RCSD1: variants seen among roughly 807,000 people sequenced by gnomAD.
The protein encoded by RCSD1 is capZ-interacting protein.
RCSD1 carries 26 observed loss-of-function variants against 42.5 expected under a neutral mutation model. That is an observed-to-expected ratio of 0.61 (90% CI 0.45 to 0.85). The LOEUF (loss-of-function observed/expected upper bound fraction) is 0.85. Ranked by LOEUF, RCSD1 falls within the 40% of genes least tolerant of loss-of-function variation. RCSD1 has a pLI of 0.00. For missense variants in RCSD1, 571 were observed against 528.3 expected (o/e 1.08, Z -0.79); for synonymous variants, 220 against 212.2 (o/e 1.04, Z -0.32).
At chr1:167,688,975 T>C (rs1298532680) in intron 3 of RCSD1, among the ~76,000 whole-genome samples, 1 of 152,000 alleles carries the variant, frequency 6.6e-6, no homozygotes, top group East Asian at 1.9e-4. Flanking sequence ...AAACACAGAG[T>C]TAATATTTTT....
intron 3 of RCSD1, among the ~76,000 whole-genome samples, chr1:167,686,029 A>C (rs1659228084): frequency 6.6e-6 from 1 of 152,226 alleles, no homozygotes; most frequent in East Asian, 1.9e-4. Flanking sequence ...CGTTGCCCTC[A>C]GATATAAATA....
At chr1:167,630,538 T>C in intron 1 of RCSD1, 109 bp downstream of exon 1, 1 of 1,202,036 alleles carries the variant, frequency 8.3e-7, no homozygotes, top group Non-Finnish European at 1.1e-6. Flanking sequence ...GGCTCATCGC[T>C]GCTGCCAACT....
chr1:167,698,563 C>T (rs775816240), intron 6 of RCSD1, among the ~76,000 whole-genome samples: 5 of 152,152 alleles, frequency 3.3e-5, no homozygotes, highest in Non-Finnish European at 5.9e-5. Flanking sequence ...TTCCTCTACA[C>T]CTGTCTGCTC....
At chr1:167,639,953 C>A (rs1310784258) in intron 1 of RCSD1, among the ~76,000 whole-genome samples, 1 of 152,256 alleles carries the variant, frequency 6.6e-6, no homozygotes, top group Non-Finnish European at 1.5e-5. Flanking sequence ...GTTGTCCAGT[C>A]ATGCCTGAAT....
intron 6 of RCSD1, among the ~76,000 whole-genome samples, chr1:167,701,320 T>TTTCTTTC (rs1386453311): frequency 0.024 from 2,343 of 97,998 alleles, 27 homozygotes; most frequent in Middle Eastern, 0.039. Flanking sequence ...TTCTTTCTTT[T>TTTCTTTC]TTTTAGATGG....
At chr1:167,685,974 A>G (rs1353448408) in intron 3 of RCSD1, among the ~76,000 whole-genome samples, 3 of 152,168 alleles carry the variant, frequency 2.0e-5, no homozygotes, top group African/African-American at 7.2e-5. Context: ...AAGCCTGGCT[A>G]TTGTTCAAGA....
intron 1 of RCSD1, among the ~76,000 whole-genome samples, chr1:167,681,534 C>G (rs1047947877): frequency 3.3e-5 from 5 of 152,146 alleles, no homozygotes; most frequent in East Asian, 1.9e-4. Context: ...CTTCCAGAAG[C>G]CTCAGAGTTC....
At chr1:167,651,966 A>G (rs1658320649) in intron 1 of RCSD1, among the ~76,000 whole-genome samples, 1 of 149,718 alleles carries the variant, frequency 6.7e-6, no homozygotes, top group Non-Finnish European at 1.5e-5. Flanking sequence ...CCCTATTTCC[A>G]GGCCTGAGAT....
rs117845860 is a variant in RCSD1, at chr1:167,648,146, C to T, written c.6+17717C>T. ...TATTTCCAGGTCAGTATTCTTGTTC[C>T]TCATAGTCATATTTTCATTGTAAAT... is the stretch of plus-strand genomic sequence containing the variant. On this transcript the variant is annotated intron_variant, in intron 1 of 6. Transcript: ENST00000367854. Among the ~76,000 whole-genome samples, 1,138 of 152,096 alleles carry T rather than the reference C, an allele frequency of 7.5e-3. 42 individuals carry two copies. In the East Asian group the frequency reaches 0.096, roughly 13 times the overall value.
intron 1 of RCSD1, among the ~76,000 whole-genome samples, chr1:167,670,858 G>T (rs1658790358): frequency 6.6e-6 from 1 of 151,896 alleles, no homozygotes; most frequent in Non-Finnish European, 1.5e-5. Flanking sequence ...CTCCTAAATT[G>T]CTTTTGAGTC....
At chr1:167,699,307 G>C (rs375065204) in intron 6 of RCSD1, among the ~76,000 whole-genome samples, 1 of 152,184 alleles carries the variant, frequency 6.6e-6, no homozygotes, top group African/African-American at 2.4e-5. Flanking sequence ...CAGCTCTACA[G>C]TTCAGACCTT....
chr1:167,639,302 C>A (rs780620985), intron 1 of RCSD1, among the ~76,000 whole-genome samples: 51 of 152,284 alleles, frequency 3.3e-4, no homozygotes, highest in Non-Finnish European at 4.4e-4. Context: ...ACGCCTTTGA[C>A]CCGCATGTTC....
At chr1:167,655,832 G>C (rs1256880472) in intron 1 of RCSD1, among the ~76,000 whole-genome samples, 2 of 152,166 alleles carry the variant, frequency 1.3e-5, no homozygotes, top group Admixed American at 6.5e-5. Flanking sequence ...AACCCGTGAG[G>C]ATGCCTTCGC....
chr1:167,636,368 T>G (rs527743231), intron 1 of RCSD1, among the ~76,000 whole-genome samples: 7 of 152,312 alleles, frequency 4.6e-5, no homozygotes, highest in Admixed American at 3.3e-4. Flanking sequence ...GTGGGGGCAC[T>G]GAGAAATTCT....
At position 167,706,431 on chromosome 1, in the gene RCSD1, C is replaced by T. The variant is rs1659759725; in HGVS notation, c.*1735C>T. On this transcript the variant is annotated 3_prime_UTR_variant, in exon 7 of 7. Transcript: ENST00000367854. ...TACACATGCACTATCTGGGCAAGTA[C>T]TTTGTGAATATGTGCATGATTGTGA... Among the ~76,000 whole-genome samples, 1 of 152,086 alleles carries T rather than the reference C, an allele frequency of 6.6e-6. No homozygotes were observed. The highest frequency in any genetic ancestry group is 6.6e-5 in the Admixed American group (1 of 15,264).
At chr1:167,673,438 CA>C (rs1429720195) in intron 1 of RCSD1, among the ~76,000 whole-genome samples, 3 of 152,218 alleles carry the variant, frequency 2.0e-5, no homozygotes, top group African/African-American at 7.2e-5. Flanking sequence ...TTTCACCAAG[CA>C]CTTCCCATGT....
chr1:167,674,118 A>T (rs372004402), intron 1 of RCSD1, among the ~76,000 whole-genome samples: 1 of 152,248 alleles, frequency 6.6e-6, no homozygotes, highest in African/African-American at 2.4e-5. Context: ...TGTCAGGCCC[A>T]TAAGGTGTTC....
At chr1:167,644,204 G>A (rs1176864263) in intron 1 of RCSD1, among the ~76,000 whole-genome samples, 2 of 152,138 alleles carry the variant, frequency 1.3e-5, no homozygotes, top group African/African-American at 4.8e-5. Flanking sequence ...TTTTGGCTGG[G>A]CACGGTGGCT....
At chr1:167,682,172 C>CT (rs375451420) in intron 1 of RCSD1, among the ~76,000 whole-genome samples, 8,624 of 140,424 alleles carry the variant, frequency 0.061, 835 homozygotes, top group African/African-American at 0.2. Context: ...TAAACGAAGC[C>CT]TTTTTTTTTT....
Sources: allele counts gnomAD v4.1 joint callset (sites outside exome capture counted in the v4.1 genomes callset), GRCh38; gene constraint gnomAD v4.1.1; transcripts MANE v1.5; gene names NCBI Gene and HGNC (gene_info 2026-07-23, HGNC 2026-07-21).